Variants in GPC5 observed in about 807,000 individuals in gnomAD.
GPC5 encodes glypican 5, also known as glypican-5.
A neutral mutation model predicts 53.9 loss-of-function variants in GPC5; 47 were observed. That is an observed-to-expected ratio of 0.87 (90% CI 0.69 to 1.11). The LOEUF (loss-of-function observed/expected upper bound fraction) is 1.11, where lower values mean the gene tolerates loss of function less well. Ranked by LOEUF, GPC5 falls within the 50% of genes most tolerant of loss-of-function variation. The probability of loss-of-function intolerance (pLI) is 0.00; values close to 1 mark genes in which losing one functional copy is unlikely to be tolerated. For synonymous variants in GPC5, 286 were observed against 263.3 expected, an observed-to-expected ratio of 1.09 and a Z score of -0.84; for missense variants, 748 against 713.1, an observed-to-expected ratio of 1.05 and a Z score of -0.56.
intron 2 of GPC5, among the ~76,000 whole-genome samples, chr13:91,554,865 G>A (rs556479005): frequency 4.6e-5 from 7 of 152,108 alleles, no homozygotes; most frequent in South Asian, 2.1e-4. Flanking sequence ...ACACACAGGC[G>A]GAAGCCCTAA....
At position 92,583,877 on chromosome 13, in the gene GPC5, G is replaced by A. The variant is rs190774100; in HGVS notation, c.1562-282405G>A. Reference sequence around the variant, plus strand: ...CATGATAGTAAGTCTCACAGGATCTGATGGTCATTATAAGGGGGAGTTTCC... The same window carrying A: ...CATGATAGTAAGTCTCACAGGATCTAATGGTCATTATAAGGGGGAGTTTCC... On this transcript the variant is annotated intron_variant, in intron 7 of 7. Coordinates refer to ENST00000377067, the MANE Select transcript of GPC5 (RefSeq NM_004466.6). Among the ~76,000 whole-genome samples, 138 of 152,188 alleles carry A rather than the reference G, an allele frequency of 9.1e-4. 2 individuals carry two copies. The highest frequency in any genetic ancestry group is 3.1e-3 in the African/African-American group (128 of 41,530).
intron 7 of GPC5, among the ~76,000 whole-genome samples, chr13:92,470,369 A>C (rs1878861426): frequency 6.6e-6 from 1 of 152,010 alleles, no homozygotes; most frequent in South Asian, 2.1e-4. Context: ...CTTTTTTTAA[A>C]TTTTTTTATT....
chr13:91,481,874 TC>T (rs1297055233), intron 2 of GPC5, among the ~76,000 whole-genome samples: 1 of 152,158 alleles, frequency 6.6e-6, no homozygotes, highest in African/African-American at 2.4e-5. Flanking sequence ...TCAGGGCTTG[TC>T]ATAAGCTTCA....
chr13:91,552,418 A>T (rs2030695667), intron 2 of GPC5, among the ~76,000 whole-genome samples: 1 of 152,024 alleles, frequency 6.6e-6, no homozygotes, highest in Admixed American at 6.6e-5. Context: ...GGAATTAAAG[A>T]CACACACACA....
chr13:92,005,201 T>C (rs887331884), intron 6 of GPC5, among the ~76,000 whole-genome samples: 1 of 152,138 alleles, frequency 6.6e-6, no homozygotes, highest in Non-Finnish European at 1.5e-5. Flanking sequence ...TCGGTTAAGA[T>C]TTTCCCTCCC....
At chr13:92,466,097 T>C (rs1259877805) in intron 7 of GPC5, among the ~76,000 whole-genome samples, 1 of 152,042 alleles carries the variant, frequency 6.6e-6, no homozygotes, top group African/African-American at 2.4e-5. Context: ...GTGACAGATA[T>C]GTTAATTAGC....
intron 7 of GPC5, among the ~76,000 whole-genome samples, chr13:92,182,378 C>A (rs2042153068): frequency 6.6e-6 from 1 of 152,128 alleles, no homozygotes. Context: ...ACTTTTCAAA[C>A]AAAGATCAAG....
chr13:92,659,477 T>C (rs1886265749), intron 7 of GPC5, among the ~76,000 whole-genome samples: 1 of 151,054 alleles, frequency 6.6e-6, no homozygotes, highest in Admixed American at 6.6e-5. Context: ...TATTCGTGAC[T>C]CCCTATCTCT....
chr13:91,736,176 A>G (rs2036810502), intron 4 of GPC5, among the ~76,000 whole-genome samples: 1 of 151,326 alleles, frequency 6.6e-6, no homozygotes, highest in Non-Finnish European at 1.5e-5. Context: ...TTAAAAAATT[A>G]AGATAATAAA....
chr13:92,184,765 T>C (rs1347870387), intron 7 of GPC5, among the ~76,000 whole-genome samples: 1 of 152,200 alleles, frequency 6.6e-6, no homozygotes, highest in Non-Finnish European at 1.5e-5. Context: ...GAGTGTATCA[T>C]TTTTAAGGTA....
chr13:92,392,716 C>T (rs1374137550), intron 7 of GPC5, among the ~76,000 whole-genome samples: 1 of 151,988 alleles, frequency 6.6e-6, no homozygotes, highest in East Asian at 1.9e-4. Flanking sequence ...AGAGAAACAA[C>T]CCTATTAAAA....
chr13:91,674,568 C>T (rs1307146321), intron 2 of GPC5, among the ~76,000 whole-genome samples: 3 of 144,994 alleles, frequency 2.1e-5, no homozygotes, highest in African/African-American at 5.1e-5. Flanking sequence ...TGTATATATA[C>T]GCATATATAT....
intron 7 of GPC5, among the ~76,000 whole-genome samples, chr13:92,186,439 T>TAA (rs2042184248): frequency 1.3e-5 from 2 of 151,946 alleles, no homozygotes; most frequent in Non-Finnish European, 2.9e-5. Context: ...CTAATATATA[T>TAA]AATGAGTAAA....
rs181206466 is a variant in GPC5 at position 92,131,364 on chromosome 13, C to G, written c.1402-13466C>G. Among the ~76,000 whole-genome samples the G allele has an allele frequency of 2.6e-5, 4 of 152,078 alleles. No individual in the cohort carries two copies. In the East Asian group the frequency reaches 7.7e-4, roughly 29 times the overall value. On this transcript the variant is annotated intron_variant, in intron 6 of 7. Coordinates refer to ENST00000377067, the MANE Select transcript of GPC5 (RefSeq NM_004466.6). ...ATTCAAGATCATTGAGTACTTCAGT[C>G]TATGTCAGTCTATCAAAAGATATGT...
chr13:92,297,666 T>C (rs1326789507), intron 7 of GPC5, among the ~76,000 whole-genome samples: 1 of 152,090 alleles, frequency 6.6e-6, no homozygotes, highest in African/African-American at 2.4e-5. Flanking sequence ...TCAGGGATTG[T>C]AAACGCACCA....
chr13:92,055,145 T>G (rs2041064301), intron 6 of GPC5, among the ~76,000 whole-genome samples: 1 of 152,164 alleles, frequency 6.6e-6, no homozygotes, highest in South Asian at 2.1e-4. Context: ...CCAGATGCAG[T>G]GTGAGTCCCT....
At chr13:91,942,396 AT>A (rs796499714) in intron 6 of GPC5, among the ~76,000 whole-genome samples, 17 of 152,208 alleles carry the variant, frequency 1.1e-4, no homozygotes, top group African/African-American at 3.8e-4. Context: ...CAATAGAACA[AT>A]GACACAAAAA....
At chr13:92,374,715 AG>A (rs1372993490) in intron 7 of GPC5, among the ~76,000 whole-genome samples, 2 of 52,540 alleles carry the variant, frequency 3.8e-5, no homozygotes, top group Admixed American at 2.3e-4. Context: ...GGGTTGGGGG[AG>A]GGGGGAGGGA....
At chr13:92,052,205 G>GA (rs1422655266) in intron 6 of GPC5, among the ~76,000 whole-genome samples, 2 of 152,182 alleles carry the variant, frequency 1.3e-5, no homozygotes, top group African/African-American at 4.8e-5. Flanking sequence ...GCATGGGAGA[G>GA]AAAAGCAAAC....
Sources: allele counts gnomAD v4.1 joint callset (sites outside exome capture counted in the v4.1 genomes callset), GRCh38; gene constraint gnomAD v4.1.1; transcripts MANE v1.5; gene names NCBI Gene and HGNC (gene_info 2026-07-23, HGNC 2026-07-21).